Variants in MIR17HG observed in about 807,000 individuals in gnomAD.
MIR17HG encodes MIR17 host gene (non-protein coding).
At chr13:91,350,110 C>T (rs199788713) in intron 2 of MIR17HG, 6 of 160,938 alleles carry the variant, frequency 3.7e-5, no homozygotes, top group Non-Finnish European at 6.9e-5. Flanking sequence ...ACTGATAACA[C>T]TTGAAGTGTA....
chr13:91,353,522 A>AT (rs1206850455), intron 3 of MIR17HG, among the ~76,000 whole-genome samples: 1 of 152,188 alleles, frequency 6.6e-6, no homozygotes, highest in Non-Finnish European at 1.5e-5. Context: ...TTCTATTAAG[A>AT]TTTTCTTAGG....
At chr13:91,348,929 G>A (rs867659937) in intron 1 of MIR17HG, among the ~76,000 whole-genome samples, 25 of 149,500 alleles carry the variant, frequency 1.7e-4, no homozygotes, top group Non-Finnish European at 2.2e-4. Flanking sequence ...GGCTCGGGGG[G>A]GCTGGGGGAC....
At chr13:91,353,408 T>C (rs148243109) in intron 3 of MIR17HG, among the ~76,000 whole-genome samples, 2 of 152,288 alleles carry the variant, frequency 1.3e-5, no homozygotes, top group East Asian at 3.9e-4. Context: ...ATGTGTATGT[T>C]TTGTTGTGGG....
chr13:91,351,430 A>G lies in MIR17HG; in HGVS notation n.284+1204A>G, dbSNP rs371637883. ...CAGAAGATTTTGAAAATTAAATATT[A>G]CTGAAGATTTCGACTTCCACTGTTA... On this transcript the variant is annotated intron_variant and non_coding_transcript_variant, in intron 3 of 3. Transcript: ENST00000400282. 6.0e-5 allele frequency: 30 copies of G among 503,762 alleles called. No homozygotes were observed. In the East Asian group the frequency reaches 1.3e-3, roughly 21 times the overall value. The allele number at this position is 503,762 out of a possible 1,614,324, so 31.2% of individuals were successfully genotyped here.
intron 3 of MIR17HG, among the ~76,000 whole-genome samples, chr13:91,353,246 G>A (rs1011749610): frequency 6.6e-6 from 1 of 151,710 alleles, no homozygotes; most frequent in African/African-American, 2.4e-5. Flanking sequence ...CCTGCTGGAT[G>A]ATTTCTTAAA....
exon 4 of MIR17HG, chr13:91,354,299 T>C (rs1875466339): frequency 6.6e-6 from 1 of 152,212 alleles, no homozygotes; most frequent in African/African-American, 2.4e-5. Flanking sequence ...TCTGCCTTGA[T>C]AACATTTCAT....
At chr13:91,353,982 A>G (rs1875450627) in exon 4 of MIR17HG, 1 of 152,728 alleles carries the variant, frequency 6.5e-6, no homozygotes, top group South Asian at 2.1e-4. Flanking sequence ...CTGTAGTTTG[A>G]AGACACACTG....
chr13:91,349,686 T>C (rs921770939), intron 1 of MIR17HG: 2 of 152,204 alleles, frequency 1.3e-5, no homozygotes, highest in African/African-American at 4.8e-5. Flanking sequence ...TCCTTATTTT[T>C]CCCTATTCCA....
At chr13:91,350,233 A>G (rs142897916) in intron 3 of MIR17HG, 1 of 202,068 alleles carries the variant, frequency 4.9e-6, no homozygotes, top group African/African-American at 2.3e-5. Context: ...AAAGGTACAC[A>G]TGGACTAAAT....
At chr13:91,350,828 G>C (rs1392717470) in intron 3 of MIR17HG, 1 of 534,804 alleles carries the variant, frequency 1.9e-6, no homozygotes, top group Non-Finnish European at 3.8e-6. Flanking sequence ...GGCATAAGAA[G>C]TTATGTATTC....
At chr13:91,349,027 TG>T (rs148606845) in intron 1 of MIR17HG, among the ~76,000 whole-genome samples, 4 of 151,126 alleles carry the variant, frequency 2.6e-5, no homozygotes, top group African/African-American at 7.3e-5. Flanking sequence ...GGAAACGGGT[TG>T]GGGGGGTTGC....
chr13:91,352,290 C>CT (rs1425254682), intron 3 of MIR17HG: 1 of 152,054 alleles, frequency 6.6e-6, no homozygotes, highest in Non-Finnish European at 1.5e-5. Flanking sequence ...TCTCTCTTTT[C>CT]TTCATGTGTT....
At chr13:91,352,835 A>G (rs1024959049) in intron 3 of MIR17HG, among the ~76,000 whole-genome samples, 1 of 152,182 alleles carries the variant, frequency 6.6e-6, no homozygotes, top group African/African-American at 2.4e-5. Context: ...CCGGCTGGAC[A>G]CGGTGGCTCA....
intron 3 of MIR17HG, chr13:91,350,750 T>G (rs749440094): frequency 5.6e-6 from 3 of 534,140 alleles, no homozygotes. Flanking sequence ...TGAGTGCTTT[T>G]TGTTCTAAGG....
chr13:91,353,009 C>T (rs1875401716), intron 3 of MIR17HG, among the ~76,000 whole-genome samples: 1 of 146,882 alleles, frequency 6.8e-6, no homozygotes, highest in African/African-American at 2.5e-5. Context: ...ACTCTGGAGG[C>T]TGAGGCAGGA....
chr13:91,350,379 T>C (rs1471239219), intron 3 of MIR17HG: 1 of 322,104 alleles, frequency 3.1e-6, no homozygotes, highest in African/African-American at 2.2e-5. Context: ...AGTTGGATGG[T>C]TGGTTATGAT....
chr13:91,353,109 CAAAAAA>C (rs549062236), intron 3 of MIR17HG, among the ~76,000 whole-genome samples: 8 of 28,856 alleles, frequency 2.8e-4, no homozygotes, highest in African/African-American at 7.8e-4. Flanking sequence ...GACTTAAACG[CAAAAAA>C]AAAAAAAAAA....
intron 3 of MIR17HG, chr13:91,350,507 T>A: frequency 1.9e-6 from 1 of 518,482 alleles, no homozygotes; most frequent in Non-Finnish European, 4.0e-6. Flanking sequence ...TTGTATGGTT[T>A]ATAGTTGTTA....
At chr13:91,350,565 A>T (rs374644058) in intron 3 of MIR17HG, 84 of 533,164 alleles carry the variant, frequency 1.6e-4, no homozygotes, top group Non-Finnish European at 3.0e-4. Context: ...TTAGCAGGAA[A>T]AAAGAGAACA....
Sources: allele counts gnomAD v4.1 joint callset (sites outside exome capture counted in the v4.1 genomes callset), GRCh38; gene constraint gnomAD v4.1.1; transcripts MANE v1.5; gene names NCBI Gene and HGNC (gene_info 2026-07-23, HGNC 2026-07-21).